The following CSMD2 variants were observed in gnomAD, a reference collection of about 807,000 sequenced individuals.
CSMD2 encodes CUB and Sushi multiple domains 2, also known as CUB and sushi domain-containing protein 2.
CSMD2 carries 130 observed loss-of-function variants against 398.5 expected under a neutral mutation model. The observed-to-expected ratio is 0.33, with a 90% CI of 0.28 to 0.38. The LOEUF (loss-of-function observed/expected upper bound fraction) is 0.38. Ranked by LOEUF, CSMD2 falls within the 10% of genes least tolerant of loss-of-function variation. CSMD2 has a pLI of 1.00. For missense variants in CSMD2, 3,829 were observed against 4,764.9 expected, an observed-to-expected ratio of 0.80 and a Z score of 5.78; for synonymous variants, 1,828 against 1,908.5, an observed-to-expected ratio of 0.96 and a Z score of 1.10.
chr1:33,843,488 A>G (rs1661057706), intron 6 of CSMD2, among the ~76,000 whole-genome samples: 1 of 152,228 alleles, frequency 6.6e-6, no homozygotes, highest in Non-Finnish European at 1.5e-5. Flanking sequence ...GCCATAAATC[A>G]CTTAAGACTA....
At position 33,856,928 on chromosome 1, in the gene CSMD2, C is replaced by A. The variant is rs190235754; in HGVS notation, c.921-9932G>T. 7.6e-4 allele frequency among the ~76,000 whole-genome samples: 115 copies of A among 151,760 alleles called. 1 individual carries two copies. The highest frequency in any genetic ancestry group is 2.7e-3 in the African/African-American group (110 of 41,350). The stretch of plus-strand genomic sequence containing the variant: ...ATTGTGAGTGACGCTCACAAAGTTC[C>A]CTCTAAGGCCTCAAGACACGACATC... On this transcript the variant is annotated intron_variant, in intron 5 of 70. Coordinates refer to ENST00000373381, the MANE Select transcript of CSMD2 (RefSeq NM_001281956.2).
intron 1 of CSMD2, among the ~76,000 whole-genome samples, chr1:34,102,246 G>T (rs1660024769): frequency 6.6e-6 from 1 of 152,072 alleles, no homozygotes; most frequent in Non-Finnish European, 1.5e-5. Flanking sequence ...TAGCCAAGAT[G>T]GTCTCGATTT....
chr1:33,984,194 G>A (rs1646270116), intron 3 of CSMD2, among the ~76,000 whole-genome samples: 1 of 151,964 alleles, frequency 6.6e-6, no homozygotes, highest in Non-Finnish European at 1.5e-5. Flanking sequence ...GACATAGCTT[G>A]GGCCTTCCCT....
chr1:33,946,657 C>T (rs1644847453), intron 3 of CSMD2, among the ~76,000 whole-genome samples: 2 of 149,772 alleles, frequency 1.3e-5, no homozygotes, highest in South Asian at 4.2e-4. Flanking sequence ...CTTACTCTGT[C>T]GCCCAGGGTG....
chr1:34,156,556 T>C (rs1640823114), intron 1 of CSMD2, among the ~76,000 whole-genome samples: 1 of 152,250 alleles, frequency 6.6e-6, no homozygotes, highest in Non-Finnish European at 1.5e-5. Flanking sequence ...GAACTTATTC[T>C]GTTTTCTATT....
rs548621479 is a variant in CSMD2 at position 34,039,116 on chromosome 1, G to A, written c.405-6410C>T. On this transcript the variant is annotated intron_variant, in intron 2 of 70. Coordinates refer to ENST00000373381, the MANE Select transcript of CSMD2 (RefSeq NM_001281956.2). ...GACCAGCCTATTCTGCATGCTCAGA[G>A]GTCCCAGTGAAGTCACTGGTATGGT... is the stretch of plus-strand genomic sequence containing the variant. Among the ~76,000 whole-genome samples the A allele has an allele frequency of 1.6e-4, 24 of 152,290 alleles. No individual in the cohort carries two copies. In the South Asian group the frequency reaches 4.8e-3, roughly 30 times the overall value.
At chr1:33,803,560 C>G (rs1655864753) in intron 10 of CSMD2, among the ~76,000 whole-genome samples, 1 of 152,190 alleles carries the variant, frequency 6.6e-6, no homozygotes. Flanking sequence ...TACTATGTGC[C>G]TGGAACCACG....
At chr1:33,724,101 A>G (rs1397911676) in intron 19 of CSMD2, 96 bp downstream of exon 19, 3 of 824,442 alleles carry the variant, frequency 3.6e-6, no homozygotes, top group Non-Finnish European at 6.3e-6. Context: ...AGAGGTCACT[A>G]TCTAGGGAGA....
chr1:33,579,485 C>T (rs769513319), intron 48 of CSMD2, among the ~76,000 whole-genome samples: 15 of 152,088 alleles, frequency 9.9e-5, no homozygotes, highest in Non-Finnish European at 1.3e-4. Flanking sequence ...CAAGACCCAC[C>T]TTCTCCCAGG....
intron 5 of CSMD2, among the ~76,000 whole-genome samples, chr1:33,911,686 C>T (rs926087012): frequency 7.9e-5 from 12 of 152,210 alleles, no homozygotes; most frequent in African/African-American, 2.9e-4. Context: ...GTTGAGCCTG[C>T]TTCCCAGGGA....
At chr1:33,955,094 C>T (rs1345481547) in intron 3 of CSMD2, among the ~76,000 whole-genome samples, 4 of 152,264 alleles carry the variant, frequency 2.6e-5, no homozygotes, top group South Asian at 2.1e-4. Flanking sequence ...AGGACGATCC[C>T]GAGTAGAACG....
chr1:33,639,969 G>A (rs188924546), intron 29 of CSMD2, among the ~76,000 whole-genome samples: 26 of 152,300 alleles, frequency 1.7e-4, no homozygotes, highest in African/African-American at 6.0e-4. Context: ...GGTGATCAGA[G>A]AGGCCAAATG....
In CSMD2 at chr1:33,525,033, A is replaced by T. The variant is rs1654649192; in HGVS notation, c.10245T>A (p.Asp3415Glu). 1 of 1,614,054 alleles carries T rather than the reference A, an allele frequency of 6.2e-7. No homozygotes were observed. Among genetic ancestry groups the T allele is most frequent in the Non-Finnish European group, 8.5e-7 (1 of 1,180,026 alleles). Residue 3415 changes from aspartate (D) to glutamate (E), a missense_variant, in exon 66 of 71, where the codon GAT (aspartate) becomes GAA (glutamate). Physicochemically the swap from Asp to Glu is conservative, Grantham distance 45 (BLOSUM62 2). Around this residue, in one of 5 missense-constraint regions of CSMD2, gnomAD observed 917 missense variants for 1,199.5 expected, o/e 0.76. Transcript: ENST00000373381. ...PPLTQALIPG[D>E]VFAKNSLWKG... ...TCCACAGGGAATTCTTGGCAAAAACATCCCCAGGAACTAGAGGAATTGAGA... is the reference window on the plus strand; with the variant it reads ...TCCACAGGGAATTCTTGGCAAAAACTTCCCCAGGAACTAGAGGAATTGAGA...
chr1:33,731,135 AATG>A (rs900680388), intron 15 of CSMD2, among the ~76,000 whole-genome samples: 1 of 152,234 alleles, frequency 6.6e-6, no homozygotes, highest in African/African-American at 2.4e-5. Context: ...TTTGGATTGT[AATG>A]ATATTTAAAA....
At chr1:33,944,885 C>T (rs1414974746) in intron 3 of CSMD2, among the ~76,000 whole-genome samples, 3 of 152,012 alleles carry the variant, frequency 2.0e-5, no homozygotes, top group Non-Finnish European at 4.4e-5. Context: ...GATTCAAGAC[C>T]CTTGTTTGTT....
At chr1:33,855,916 A>G (rs1186639671) in intron 5 of CSMD2, among the ~76,000 whole-genome samples, 3 of 152,218 alleles carry the variant, frequency 2.0e-5, no homozygotes, top group Non-Finnish European at 4.4e-5. Flanking sequence ...CACAGAAGCA[A>G]TAGGTTTAAA....
At chr1:33,880,360 G>T (rs1051064267) in intron 5 of CSMD2, among the ~76,000 whole-genome samples, 1 of 151,744 alleles carries the variant, frequency 6.6e-6, no homozygotes, top group African/African-American at 2.4e-5. Flanking sequence ...GCTATTACTG[G>T]ATCTTTTAAT....
At chr1:33,790,772 C>G (rs1005654297) in intron 11 of CSMD2, among the ~76,000 whole-genome samples, 2 of 145,446 alleles carry the variant, frequency 1.4e-5, no homozygotes, top group Non-Finnish European at 2.9e-5. Flanking sequence ...CATCTATCAT[C>G]TATCAATCAA....
At chr1:34,123,726 A>C (rs1410662104) in intron 1 of CSMD2, among the ~76,000 whole-genome samples, 1 of 152,142 alleles carries the variant, frequency 6.6e-6, no homozygotes, top group Non-Finnish European at 1.5e-5. Flanking sequence ...GTGTGGAGAA[A>C]AAAAACCCAC....
Sources: allele counts gnomAD v4.1 joint callset (sites outside exome capture counted in the v4.1 genomes callset), GRCh38; gene constraint gnomAD v4.1.1; regional missense constraint gnomAD v4.1.1; transcripts MANE v1.5; gene names NCBI Gene and HGNC (gene_info 2026-07-23, HGNC 2026-07-21).